Variants in SH2D4B observed in about 807,000 individuals in gnomAD.
SH2D4B encodes the protein SH2 domain-containing protein 4B.
Under a neutral mutation model 61.5 loss-of-function variants are expected in SH2D4B, and 45 were observed. The ratio of observed to expected loss-of-function variants is 0.73; its 90% confidence interval spans 0.58 to 0.94. The LOEUF is 0.94. Ranked by LOEUF, SH2D4B falls within the 40% of genes least tolerant of loss-of-function variation. The pLI, the probability that SH2D4B is intolerant of heterozygous loss-of-function variation, is 0.00. For synonymous variants in SH2D4B, 224 were observed against 220.4 expected (o/e 1.02, Z -0.14); for missense variants, 572 against 574.2 (o/e 1.00, Z 0.04).
intron 3 of SH2D4B, among the ~76,000 whole-genome samples, chr10:80,574,840 G>A (rs1424788605): frequency 6.6e-6 from 1 of 152,002 alleles, no homozygotes; most frequent in Non-Finnish European, 1.5e-5. Context: ...AGCTGGGATT[G>A]CAGGCACCCA....
At chr10:80,610,224 C>T (rs1285318338) in intron 6 of SH2D4B, among the ~76,000 whole-genome samples, 2 of 152,192 alleles carry the variant, frequency 1.3e-5, no homozygotes, top group Non-Finnish European at 2.9e-5. Flanking sequence ...CTTTCCTGAA[C>T]TCCTTACCTA....
At chr10:80,588,888 G>C (rs938486533) in intron 4 of SH2D4B, 111 bp downstream of exon 4, 5 of 1,348,352 alleles carry the variant, frequency 3.7e-6, no homozygotes, top group Non-Finnish European at 5.1e-6. Flanking sequence ...CACCCCATCA[G>C]CCTTTACTTG....
Position 80,541,855 on chromosome 10 carries a change from C to T in SH2D4B, c.184+3340C>T, listed in dbSNP as rs138357486. On this transcript the variant is annotated intron_variant, in intron 1 of 7. Coordinates refer to ENST00000646907, the MANE Select transcript of SH2D4B (RefSeq NM_001388272.1). ...CCACAGAAGTAAGCTTGGGTGAAAG[C>T]TTAGAGGCGGACTGTGAAAGGTAGG... Among the ~76,000 whole-genome samples, 287 of 152,252 alleles carry T rather than the reference C, an allele frequency of 1.9e-3. No individual in the cohort carries two copies. In the Middle Eastern group the frequency reaches 0.024, roughly 13 times the overall value.
At chr10:80,583,950 G>A (rs991213622) in intron 3 of SH2D4B, among the ~76,000 whole-genome samples, 2 of 152,190 alleles carry the variant, frequency 1.3e-5, no homozygotes, top group Non-Finnish European at 2.9e-5. Context: ...GTGTTAAAGA[G>A]ACTTCAGGGG....
intron 3 of SH2D4B, among the ~76,000 whole-genome samples, chr10:80,578,828 G>A (rs1017324078): frequency 2.0e-5 from 3 of 152,214 alleles, no homozygotes; most frequent in Admixed American, 1.3e-4. Flanking sequence ...ATGAGCAAGG[G>A]TCTGGACAGA....
chr10:80,542,394 CTATCT>C (rs369164256), intron 1 of SH2D4B, among the ~76,000 whole-genome samples: 3,117 of 123,976 alleles, frequency 0.025, 133 homozygotes, highest in African/African-American at 0.12. Flanking sequence ...CCTGTCAGTT[CTATCT>C]TTTTTTTTTT....
At chr10:80,558,720 G>C (rs749468923) in intron 1 of SH2D4B, among the ~76,000 whole-genome samples, 9 of 152,116 alleles carry the variant, frequency 5.9e-5, no homozygotes, top group Non-Finnish European at 1.2e-4. Context: ...GTTAAGGCTG[G>C]TCTTGAACTC....
At chr10:80,590,295 T>A (rs2132131315) in intron 4 of SH2D4B, among the ~76,000 whole-genome samples, 1 of 152,240 alleles carries the variant, frequency 6.6e-6, no homozygotes, top group Non-Finnish European at 1.5e-5. Context: ...AGGGAGACAG[T>A]GGCTCAGAGT....
At chr10:80,576,568 A>G (rs1006912043) in intron 3 of SH2D4B, among the ~76,000 whole-genome samples, 2 of 152,020 alleles carry the variant, frequency 1.3e-5, no homozygotes, top group African/African-American at 4.8e-5. Context: ...GCTGTGTGGA[A>G]CTCTTCATCA....
chr10:80,572,427 A>G (rs1478337015), intron 3 of SH2D4B, among the ~76,000 whole-genome samples: 1 of 152,148 alleles, frequency 6.6e-6, no homozygotes, highest in South Asian at 2.1e-4. Context: ...TCCTAGGGAC[A>G]TGATCTTATG....
chr10:80,573,039 C>CCTTGGTG (rs1294908115), intron 3 of SH2D4B, among the ~76,000 whole-genome samples: 1 of 103,764 alleles, frequency 9.6e-6, no homozygotes, highest in African/African-American at 3.8e-5. Flanking sequence ...CCCTCTGTCT[C>CCTTGGTG]CTTGGTGCGA....
chr10:80,573,084 A>C (rs1842082778), intron 3 of SH2D4B, among the ~76,000 whole-genome samples: 1 of 128,268 alleles, frequency 7.8e-6, no homozygotes, highest in African/African-American at 3.0e-5. Flanking sequence ...TCCCGGGTTC[A>C]TGCCATTCCC....
rs1054576862 is a variant in SH2D4B at position 80,634,188 on chromosome 10, T to A, written c.989-97T>A. The A allele has an allele frequency of 4.2e-6, 6 of 1,434,258 alleles. No individual in the cohort carries two copies. In the African/African-American group the frequency reaches 8.6e-5, roughly 21 times the overall value. 88.8% of individuals were successfully genotyped at this position (1,434,258 alleles called of 1,614,324 possible). On this transcript the variant is annotated intron_variant, in intron 6 of 7. Transcript: ENST00000646907. ...TGGACTGTGTGGATGGCATGTGCAC[T>A]GAGCCACAGGGTGAGGGGCAGGGAG...
At chr10:80,567,918 C>T (rs1030818486) in intron 1 of SH2D4B, among the ~76,000 whole-genome samples, 9 of 152,290 alleles carry the variant, frequency 5.9e-5, no homozygotes, top group South Asian at 4.1e-4. Flanking sequence ...GGCTCAAAAA[C>T]TTAGGGGGCT....
chr10:80,636,548 G>A (rs545165045), intron 7 of SH2D4B, among the ~76,000 whole-genome samples: 1 of 152,326 alleles, frequency 6.6e-6, no homozygotes, highest in Admixed American at 6.5e-5. Flanking sequence ...CTGATGACCA[G>A]TGATGATGAG....
chr10:80,618,721 C>T (rs777923638), intron 6 of SH2D4B, among the ~76,000 whole-genome samples: 6 of 152,072 alleles, frequency 3.9e-5, no homozygotes, highest in Admixed American at 1.3e-4. Context: ...GAAATATGCA[C>T]GTCAGATAAA....
chr10:80,549,503 C>T (rs1841729084), intron 1 of SH2D4B, among the ~76,000 whole-genome samples: 1 of 152,088 alleles, frequency 6.6e-6, no homozygotes, highest in Non-Finnish European at 1.5e-5. Flanking sequence ...CTCAGCATCT[C>T]CCCTGGAGCT....
chr10:80,570,526 A>G (rs1178697940), intron 2 of SH2D4B, among the ~76,000 whole-genome samples: 1 of 152,214 alleles, frequency 6.6e-6, no homozygotes, highest in Admixed American at 6.5e-5. Context: ...AGCCTTAATG[A>G]TGGTATTTTA....
At chr10:80,583,411 G>A (rs1217757425) in intron 3 of SH2D4B, among the ~76,000 whole-genome samples, 1 of 152,118 alleles carries the variant, frequency 6.6e-6, no homozygotes, top group Non-Finnish European at 1.5e-5. Context: ...GCTCACACCT[G>A]TAATCCCAGC....
Sources: allele counts gnomAD v4.1 joint callset (sites outside exome capture counted in the v4.1 genomes callset), GRCh38; gene constraint gnomAD v4.1.1; transcripts MANE v1.5; gene names NCBI Gene and HGNC (gene_info 2026-07-23, HGNC 2026-07-21).